SEZ6L: variants seen among roughly 807,000 people sequenced by gnomAD.
The protein encoded by SEZ6L is seizure 6-like protein.
SEZ6L carries 37 observed loss-of-function variants against 106.2 expected under a neutral mutation model. The observed-to-expected ratio is 0.35, with a 90% confidence interval of 0.27 to 0.46. The LOEUF (loss-of-function observed/expected upper bound fraction) is 0.46, where lower values mean the gene tolerates loss of function less well. SEZ6L is among the 20% of genes least tolerant of loss of function. SEZ6L has a pLI of 1.00. For synonymous variants in SEZ6L, 541 were observed against 570.4 expected, an observed-to-expected ratio of 0.95 and a Z score of 0.73; for missense variants, 1,172 against 1,332.8, an observed-to-expected ratio of 0.88 and a Z score of 1.88.
At chr22:26,193,510 G>A (rs115939155) in intron 1 of SEZ6L, among the ~76,000 whole-genome samples, 326 of 152,250 alleles carry the variant, frequency 2.1e-3, no homozygotes, top group African/African-American at 7.5e-3. Flanking sequence ...GCATAAATGA[G>A]AACGGTATGC....
At chr22:26,192,901 C>T (rs1349606136) in intron 1 of SEZ6L, among the ~76,000 whole-genome samples, 3 of 152,168 alleles carry the variant, frequency 2.0e-5, no homozygotes, top group African/African-American at 4.8e-5. Flanking sequence ...AACTGCTTCA[C>T]GTTTGCCCTC....
At chr22:26,249,350 A>G (rs549741116) in intron 1 of SEZ6L, among the ~76,000 whole-genome samples, 4 of 152,042 alleles carry the variant, frequency 2.6e-5, no homozygotes. Flanking sequence ...TCTAGTAACC[A>G]CTATTTCACT....
chr22:26,304,398 A>AAGAAAG (rs1289947467), intron 5 of SEZ6L, among the ~76,000 whole-genome samples: 1 of 150,432 alleles, frequency 6.6e-6, no homozygotes, highest in East Asian at 1.9e-4. Flanking sequence ...GAAAGAAAGA[A>AAGAAAG]AGAAAGAAAG....
intron 1 of SEZ6L, among the ~76,000 whole-genome samples, chr22:26,255,238 CT>C (rs1257563943): frequency 6.6e-6 from 1 of 152,178 alleles, no homozygotes; most frequent in Non-Finnish European, 1.5e-5. Flanking sequence ...GTGAAGGCAT[CT>C]TAAGACTTAT....
At chr22:26,182,822 A>T (rs1163809018) in intron 1 of SEZ6L, among the ~76,000 whole-genome samples, 8 of 151,934 alleles carry the variant, frequency 5.3e-5, no homozygotes, top group Non-Finnish European at 2.9e-5. Context: ...TAAATCCATC[A>T]TTCTCTGGCT....
chr22:26,231,484 G>GCAGAGTT (rs2078796924), intron 1 of SEZ6L, among the ~76,000 whole-genome samples: 1 of 152,162 alleles, frequency 6.6e-6, no homozygotes, highest in South Asian at 2.1e-4. Context: ...GGAAGCCTAT[G>GCAGAGTT]CAGAGTTTTC....
chr22:26,296,979 T>G lies in SEZ6L; in HGVS notation c.1061T>G (p.Leu354Arg). 1 of 1,614,136 alleles carries G rather than the reference T, an allele frequency of 6.2e-7. No homozygotes were observed. Among genetic ancestry groups the G allele is most frequent in the Non-Finnish European group, 8.5e-7 (1 of 1,180,004 alleles). ...ACCGTCCTGGCCAACCAGACACTCC[T>G]GGTGGAGGGGCAGGTAATCCGAAGC... ...TLTVLANQTL[L>R]VEGQVIRSPT... Residue 354 changes from leucine to arginine, a missense_variant, in exon 4 of 17, where the codon CTG becomes CGG. Physicochemically the swap from Leu to Arg is moderately radical, Grantham distance 102 (BLOSUM62 -2). Coordinates refer to ENST00000248933, the MANE Select transcript of SEZ6L (RefSeq NM_021115.5).
intron 1 of SEZ6L, among the ~76,000 whole-genome samples, chr22:26,241,939 G>T (rs189806694): frequency 6.6e-6 from 1 of 152,300 alleles, no homozygotes; most frequent in East Asian, 1.9e-4. Flanking sequence ...TATGGTTAAG[G>T]GACTTGGTGC....
Position 26,311,800 on chromosome 22 carries a change from A to G in SEZ6L, c.1714A>G (p.Ile572Val). 3.1e-6 allele frequency: 5 copies of G among 1,614,154 alleles called. No individual in the cohort carries two copies. Among genetic ancestry groups the G allele is most frequent in the Non-Finnish European group, 4.2e-6 (5 of 1,180,032 alleles). Residue 572 changes from isoleucine to valine, a missense_variant, in exon 8 of 17, where the codon ATC (isoleucine) becomes GTC (valine). Transcript: ENST00000248933. Reference protein sequence around the residue: ...FEKGHCYEPYIQNGNFTTSDP... With the variant: ...FEKGHCYEPYVQNGNFTTSDP... Reference sequence around the variant, plus strand: ...GAAAGGCCACTGCTATGAGCCCTACATCCAGAATGGGAACTTCACTACATC... The same window carrying G: ...GAAAGGCCACTGCTATGAGCCCTACGTCCAGAATGGGAACTTCACTACATC...
At chr22:26,335,467 G>A (rs1191948988) in intron 9 of SEZ6L, among the ~76,000 whole-genome samples, 1 of 152,152 alleles carries the variant, frequency 6.6e-6, no homozygotes, top group Non-Finnish European at 1.5e-5. Flanking sequence ...AAGGGAATAG[G>A]AGACTCTAAC....
intron 9 of SEZ6L, among the ~76,000 whole-genome samples, chr22:26,333,015 T>C (rs1474577579): frequency 1.3e-5 from 2 of 152,252 alleles, no homozygotes; most frequent in Non-Finnish European, 2.9e-5. Flanking sequence ...ACTGTTGTTA[T>C]TCAAAAGCTA....
rs1293447766 is a variant in SEZ6L at position 26,306,138 on chromosome 22, A to C, written c.1508A>C (p.Lys503Thr). 6.2e-7 allele frequency: 1 copy of C among 1,613,258 alleles called. No homozygotes were observed. The highest frequency in any genetic ancestry group is 8.5e-7 in the Non-Finnish European group (1 of 1,180,020). Reference sequence around the variant, plus strand: ...TTTGAGAGGCTGTTGCTGCATGACAAGGACAGGTAAAGCTCTGAAGGTCCA... The same window carrying C: ...TTTGAGAGGCTGTTGCTGCATGACACGGACAGGTAAAGCTCTGAAGGTCCA... Reference protein sequence around the residue: ...LHFERLLLHDKDRMTVHSGQT... With the variant: ...LHFERLLLHDTDRMTVHSGQT... The change falls in exon 6 of 17, where the codon AAG becomes ACG. Residue 503 changes from lysine to threonine, a missense_variant. Physicochemically the swap from Lys to Thr is moderately conservative, Grantham distance 78. Transcript: ENST00000248933.
chr22:26,257,274 C>A (rs1415479995), intron 1 of SEZ6L, among the ~76,000 whole-genome samples: 4 of 152,144 alleles, frequency 2.6e-5, no homozygotes, highest in Non-Finnish European at 5.9e-5. Flanking sequence ...AAGAGAAGCA[C>A]CCAATGCAAA....
rs117923671 is a variant in SEZ6L, at chr22:26,256,794, G to A, written c.95-35612G>A. Among the ~76,000 whole-genome samples the A allele has an allele frequency of 4.1e-3, 627 of 152,344 alleles. 3 individuals are homozygous for A. Among genetic ancestry groups the A allele is most frequent in the Middle Eastern group, 0.024 (7 of 294 alleles). ...TCTGGGGGTAGGGCCTGGCATCTGT[G>A]CTTTAAGAAGCCCTCCCTGGGGTTC... On this transcript the variant is annotated intron_variant, in intron 1 of 16. Coordinates refer to ENST00000248933, the MANE Select transcript of SEZ6L (RefSeq NM_021115.5).
chr22:26,172,701 C>A (rs980846096), intron 1 of SEZ6L, among the ~76,000 whole-genome samples: 2 of 152,172 alleles, frequency 1.3e-5, no homozygotes, highest in African/African-American at 4.8e-5. Flanking sequence ...AGCCTGGAGG[C>A]CTTGCTATCA....
intron 9 of SEZ6L, among the ~76,000 whole-genome samples, 193 bp downstream of exon 9, chr22:26,314,095 CAGAG>C (rs796066126): frequency 7.3e-6 from 1 of 136,224 alleles, no homozygotes. Context: ...CACACACACA[CAGAG>C]AGAGAGAGAG....
intron 1 of SEZ6L, among the ~76,000 whole-genome samples, chr22:26,191,228 T>C (rs1940180394): frequency 1.3e-5 from 2 of 152,160 alleles, no homozygotes; most frequent in South Asian, 4.2e-4. Flanking sequence ...AGCAATCCCA[T>C]TACTGGGTAT....
intron 5 of SEZ6L, among the ~76,000 whole-genome samples, chr22:26,299,726 T>C (rs943131710): frequency 6.6e-6 from 1 of 152,262 alleles, no homozygotes; most frequent in African/African-American, 2.4e-5. Context: ...TGTTTATTCG[T>C]TAGTAGACAT....
At chr22:26,317,626 G>A (rs2082041451) in intron 9 of SEZ6L, among the ~76,000 whole-genome samples, 2 of 151,934 alleles carry the variant, frequency 1.3e-5, no homozygotes. Context: ...CTACCACTAA[G>A]CATGCATGCA....
Sources: allele counts gnomAD v4.1 joint callset (sites outside exome capture counted in the v4.1 genomes callset), GRCh38; gene constraint gnomAD v4.1.1; transcripts MANE v1.5; gene names NCBI Gene and HGNC (gene_info 2026-07-23, HGNC 2026-07-21).